BAG5: variants seen among roughly 807,000 people sequenced by gnomAD.
BAG5 encodes BAG cochaperone 5, also known as BAG family molecular chaperone regulator 5.
BAG5 carries 25 observed loss-of-function variants against 31.8 expected under a neutral mutation model. The observed-to-expected ratio is 0.79, with a 90% CI of 0.57 to 1.10. The LOEUF is 1.10. Among genes scored for constraint, BAG5 ranks in the 50% least tolerant of loss-of-function variants. The pLI, the probability that BAG5 is intolerant of heterozygous loss-of-function variation, is 0.00. For synonymous variants in BAG5, 208 were observed against 205.0 expected, an observed-to-expected ratio of 1.01 and a Z score of -0.13; for missense variants, 491 against 527.9, an observed-to-expected ratio of 0.93 and a Z score of 0.68.
chr14:103,560,918 C>G lies in BAG5; in HGVS notation c.247G>C (p.Glu83Gln). ...CGGTGTGGGTGGTTTGCATTCTGCTCCAACTCTTTGAGAAGACGTTCTGTC... is the reference window on the plus strand; with the variant it reads ...CGGTGTGGGTGGTTTGCATTCTGCTGCAACTCTTTGAGAAGACGTTCTGTC... ...QETERLLKEL[E>Q]QNANHPHRIE... The change falls in exon 2 of 2, where the codon GAG becomes CAG. Residue 83 changes from glutamate (E) to glutamine (Q), a missense_variant. Transcript: ENST00000299204. The G allele has an allele frequency of 3.7e-6, 6 of 1,614,136 alleles. No homozygotes were observed. The highest frequency in any genetic ancestry group is 5.1e-6 in the Non-Finnish European group (6 of 1,180,034).
chr14:103,559,974 C>G lies in BAG5; in HGVS notation c.1191G>C (p.Arg397=), dbSNP rs200572765. ...GCTGCTTGGTGAGCAGCTCTTCCAGCCGGATGTAGTTCTTATCGGTTCGAT... is the reference window on the plus strand; with the variant it reads ...GCTGCTTGGTGAGCAGCTCTTCCAGGCGGATGTAGTTCTTATCGGTTCGAT... The part of the protein sequence containing the change: ...DGNRTDKNYI[R]LEELLTKQLL... The change falls in exon 2 of 2, where the codon CGG becomes CGC. Residue 397 remains arginine, a synonymous_variant. Coordinates refer to ENST00000299204, the MANE Select transcript of BAG5 (RefSeq NM_001015048.3). The G allele has an allele frequency of 2.0e-5, 33 of 1,614,214 alleles. No homozygotes were observed. In the African/African-American group the frequency reaches 3.5e-4, roughly 17 times the overall value.
rs2076068785 is a variant in BAG5 at position 103,561,000 on chromosome 14, A to G, written c.165T>C (p.Ser55=). 1 of 1,613,886 alleles carries G rather than the reference A, an allele frequency of 6.2e-7. No individual in the cohort carries two copies. The highest frequency in any genetic ancestry group is 8.5e-7 in the Non-Finnish European group (1 of 1,179,822). ...ILTKQLFEID[S]VDTEGKGDIQ... ...TATCTCCTTTTCCTTCAGTATCTAC[A>G]GAGTCTATTTCAAAAAGCTGTTTTG... Residue 55 remains serine, a synonymous_variant, in exon 2 of 2, where the codon TCT becomes TCC. Transcript: ENST00000299204.
rs2076044807 is a variant in BAG5, at chr14:103,557,390, G to GA, written c.*2430_*2431insT. On this transcript the variant is annotated 3_prime_UTR_variant, in exon 2 of 2. Coordinates refer to ENST00000299204, the MANE Select transcript of BAG5 (RefSeq NM_001015048.3). Reference sequence around the variant, plus strand: ...ACCAGAAACAAAGCCATGCCTGACAGTCAATCAAGGTCAATCTGATCATTT... The same window carrying GA: ...ACCAGAAACAAAGCCATGCCTGACAGATCAATCAAGGTCAATCTGATCATTT... 1 of 152,142 alleles carries GA rather than the reference G, an allele frequency of 6.6e-6. No homozygotes were observed. The highest frequency in any genetic ancestry group is 1.5e-5 in the Non-Finnish European group (1 of 68,034). The allele number at this position is 152,142 out of a possible 1,614,324, so 9.4% of individuals were successfully genotyped here.
chr14:103,560,503 G>A lies in BAG5; in HGVS notation c.662C>T (p.Ser221Leu), dbSNP rs762520743. ...AGCATCCAGGTCAGCGATCAGCCCC[G>A]AGAGCACACAGGATAAGTGCCTGCA... is the stretch of plus-strand genomic sequence containing the variant. ...ETCRHLSCVLSGLIADLDALD... is the reference protein window; with the variant it reads ...ETCRHLSCVLLGLIADLDALD... The change falls in exon 2 of 2, where the codon TCG (serine) becomes TTG (leucine). Residue 221 changes from serine to leucine, a missense_variant. Physicochemically the swap from Ser to Leu is moderately radical, Grantham distance 145. Transcript: ENST00000299204. 9.3e-6 allele frequency: 15 copies of A among 1,613,862 alleles called. No individual in the cohort carries two copies. The highest frequency in any genetic ancestry group is 3.3e-5 in the South Asian group (3 of 91,060).
rs771835915 is a variant in BAG5, at chr14:103,560,068, T to C, written c.1097A>G (p.His366Arg). The C allele has an allele frequency of 6.8e-6, 11 of 1,614,194 alleles. No homozygotes were observed. Among genetic ancestry groups the C allele is most frequent in the South Asian group, 1.1e-5 (1 of 91,088 alleles). The change falls in exon 2 of 2, where the codon CAT becomes CGT. Residue 366 changes from histidine to arginine, a missense_variant. By Grantham distance (29) the His-to-Arg change is conservative. Transcript: ENST00000299204. ...TCCAAGGACGTTCCAGACGGCTTTA[T>C]GGGATGGGTGCTCCTCACAAGCAAA... is the stretch of plus-strand genomic sequence containing the variant. ...KLFACEEHPS[H>R]KAVWNVLGNL...
chr14:103,560,577 G>C lies in BAG5; in HGVS notation c.588C>G (p.Ala196=), dbSNP rs778032103. 4.6e-5 allele frequency: 74 copies of C among 1,613,898 alleles called. No homozygotes were observed. The highest frequency in any genetic ancestry group is 6.0e-5 in the Non-Finnish European group (71 of 1,180,016). The change falls in exon 2 of 2, where the codon GCC becomes GCG. Residue 196 remains alanine, a synonymous_variant. Coordinates refer to ENST00000299204, the MANE Select transcript of BAG5 (RefSeq NM_001015048.3). The stretch of plus-strand genomic sequence containing the variant: ...TCAGAAGTGCAATCAGGACCCCTCG[G>C]GCCTTGTTCACCTCACACATCACGA... ...INFVMCEVNK[A]RGVLIALLMG... is the part of the protein sequence containing the mutation.
intron 1 of BAG5, chr14:103,562,250 G>A: frequency 3.9e-6 from 2 of 513,532 alleles, no homozygotes; most frequent in South Asian, 4.5e-5. Flanking sequence ...GGGGCAGCCG[G>A]TGAAGGGGCC....
At position 103,558,833 on chromosome 14, in the gene BAG5, T is replaced by C. The variant is rs952280552; in HGVS notation, c.*988A>G. The stretch of plus-strand genomic sequence containing the variant: ...ACTGACAGCGTCTACCCTCACGTTG[T>C]AAAACAGCACCGGGGAGGTGTGACA... On this transcript the variant is annotated 3_prime_UTR_variant, in exon 2 of 2. Coordinates refer to ENST00000299204, the MANE Select transcript of BAG5 (RefSeq NM_001015048.3). 6.6e-6 allele frequency: 1 copy of C among 152,198 alleles called. No homozygotes were observed. The highest frequency in any genetic ancestry group is 6.5e-5 in the Admixed American group (1 of 15,272). The allele number at this position is 152,198 out of a possible 1,614,324, so 9.4% of individuals were successfully genotyped here.
At position 103,557,677 on chromosome 14, in the gene BAG5, A is replaced by T. The variant is rs1427670904; in HGVS notation, c.*2144T>A. The stretch of plus-strand genomic sequence containing the variant: ...CGTAACCATGATTTCCCAGTGGTAT[A>T]ATTAAACAGAGCTCTAATTTAAAAA... On this transcript the variant is annotated 3_prime_UTR_variant, in exon 2 of 2. Coordinates refer to ENST00000299204, the MANE Select transcript of BAG5 (RefSeq NM_001015048.3). 2 of 152,188 alleles carry T rather than the reference A, an allele frequency of 1.3e-5. No homozygotes were observed. Among genetic ancestry groups the T allele is most frequent in the Admixed American group, 1.3e-4 (2 of 15,288 alleles). 9.4% of individuals were successfully genotyped at this position (152,188 alleles called of 1,614,324 possible).
chr14:103,561,258 T>G (rs34186780), intron 1 of BAG5, 66 bp from the exon 2 acceptor site: 385,730 of 1,449,124 alleles, frequency 0.27, 53,368 homozygotes, highest in East Asian at 0.32. Flanking sequence ...AATGGTATAT[T>G]AAGTCATTCT....
chr14:103,562,250 G>T (rs1479160157), intron 1 of BAG5: 2 of 513,414 alleles, frequency 3.9e-6, no homozygotes, highest in Admixed American at 7.1e-5. Context: ...GGGGCAGCCG[G>T]TGAAGGGGCC....
At chr14:103,561,894 GAAT>G in intron 1 of BAG5, 1 of 1,559,328 alleles carries the variant, frequency 6.4e-7, no homozygotes, top group Non-Finnish European at 8.8e-7. Context: ...TGGTAACTAT[GAAT>G]AATTCATTCA....
intron 1 of BAG5, among the ~76,000 whole-genome samples, chr14:103,561,429 G>A (rs1018902897): frequency 1.3e-5 from 2 of 152,056 alleles, no homozygotes; most frequent in African/African-American, 4.8e-5. Flanking sequence ...CGATCCGCCC[G>A]CCTCCGCCTC....
rs181803004 is a variant in BAG5, at chr14:103,561,299, G to A, written c.-28-107C>T. On this transcript the variant is annotated intron_variant, in intron 1 of 1. Coordinates refer to ENST00000299204, the MANE Select transcript of BAG5 (RefSeq NM_001015048.3). ...TCTCATTTTAAAAAGGTATACTTCT[G>A]AGCAGTCATCCCACCTCAGCCTCCC... 5,176 of 1,232,156 alleles carry A rather than the reference G, an allele frequency of 4.2e-3. 23 individuals carry two copies. Among genetic ancestry groups the A allele is most frequent in the Non-Finnish European group, 5.2e-3 (4,653 of 901,510 alleles). The allele number at this position is 1,232,156 out of a possible 1,614,324, so 76.3% of individuals were successfully genotyped here.
chr14:103,560,220 T>C lies in BAG5; in HGVS notation c.945A>G (p.Gly315=). Residue 315 remains glycine, a synonymous_variant, in exon 2 of 2, where the codon GGA becomes GGG. Transcript: ENST00000299204. ...TTTCAAGACTTACCTCATCCAACTG[T>C]CCAATTAAACCCTGCAATTCTGTTT... ...SSKTELQGLI[G]QLDEVSLEKN... The C allele has an allele frequency of 6.2e-7, 1 of 1,614,164 alleles. No homozygotes were observed. The highest frequency in any genetic ancestry group is 2.2e-5 in the East Asian group (1 of 44,892).
In BAG5 at chr14:103,559,552, A is replaced by G; in HGVS notation, c.*269T>C. On this transcript the variant is annotated 3_prime_UTR_variant, in exon 2 of 2. Coordinates refer to ENST00000299204, the MANE Select transcript of BAG5 (RefSeq NM_001015048.3). ...TTTAAAATCTACAAAAGCTGCCTCT[A>G]TTTTGTTTTCTGATTAAAAACGCAA... 1 of 358,022 alleles carries G rather than the reference A, an allele frequency of 2.8e-6. No homozygotes were observed. The highest frequency in any genetic ancestry group is 5.1e-6 in the Non-Finnish European group (1 of 197,790). The allele number at this position is 358,022 out of a possible 1,614,324, so 22.2% of individuals were successfully genotyped here.
rs978378391 is a variant in BAG5 at position 103,558,170 on chromosome 14, A to C, written c.*1651T>G. 1.3e-5 allele frequency: 2 copies of C among 152,164 alleles called. No individual in the cohort carries two copies. The highest frequency in any genetic ancestry group is 4.8e-5 in the African/African-American group (2 of 41,422). The allele number at this position is 152,164 out of a possible 1,614,324, so 9.4% of individuals were successfully genotyped here. A position where few individuals can be genotyped will look rare whatever the true frequency, so the allele number is the denominator to read the frequency against. ...TGGGAAGCTCACGGCCTAAATACCG[A>C]CTGCCCTCTGACCCCACCGTCCAGC... On this transcript the variant is annotated 3_prime_UTR_variant, in exon 2 of 2. Coordinates refer to ENST00000299204, the MANE Select transcript of BAG5 (RefSeq NM_001015048.3).
At chr14:103,561,974 G>C (rs377074898) in intron 1 of BAG5, 1 of 1,613,922 alleles carries the variant, frequency 6.2e-7, no homozygotes, top group African/African-American at 1.3e-5. Flanking sequence ...CTATCAAACG[G>C]CTCGCTCAAG....
chr14:103,562,258 G>A (rs966221021), intron 1 of BAG5: 3 of 492,316 alleles, frequency 6.1e-6, no homozygotes, highest in African/African-American at 3.9e-5. Flanking sequence ...CGGTGAAGGG[G>A]CCGCTACTGG....
Sources: gnomAD v4.1 joint callset for allele counts (sites outside exome capture counted in the v4.1 genomes callset) on GRCh38, gnomAD v4.1.1 for gene constraint, MANE v1.5 for transcripts, NCBI Gene and HGNC (gene_info 2026-07-23, HGNC 2026-07-21) for gene names.